The following PARD3B variants were observed in gnomAD, a reference collection of about 807,000 sequenced individuals.
PARD3B encodes par-3 family cell polarity regulator beta.
Under a neutral mutation model 130.2 loss-of-function variants are expected in PARD3B, and 103 were observed. That is an observed-to-expected ratio of 0.79 (90% confidence interval 0.67 to 0.93). The LOEUF is 0.93. Among genes scored for constraint, PARD3B ranks in the 40% least tolerant of loss-of-function variants. The probability of loss-of-function intolerance (pLI) is 0.00; values close to 1 mark genes in which losing one functional copy is unlikely to be tolerated. For missense variants in PARD3B, 1,609 were observed against 1,499.2 expected (o/e 1.07, Z -1.21); for synonymous variants, 583 against 553.2 (o/e 1.05, Z -0.76).
intron 21 of PARD3B, among the ~76,000 whole-genome samples, chr2:205,513,371 TC>T (rs1247826733): frequency 6.6e-6 from 1 of 151,920 alleles, no homozygotes; most frequent in Non-Finnish European, 1.5e-5. Context: ...AAAAATCTAA[TC>T]CCTAAATACA....
At chr2:204,696,226 C>A (rs1321498748) in intron 2 of PARD3B, among the ~76,000 whole-genome samples, 1 of 151,858 alleles carries the variant, frequency 6.6e-6, no homozygotes, top group Non-Finnish European at 1.5e-5. Flanking sequence ...AAACAGCTGA[C>A]CTTCCGTTAA....
chr2:205,165,094 G>C (rs537616650), intron 11 of PARD3B, among the ~76,000 whole-genome samples: 1 of 151,844 alleles, frequency 6.6e-6, no homozygotes, highest in African/African-American at 2.4e-5. Flanking sequence ...AACCTAGTTA[G>C]GCATTCATGC....
At chr2:204,872,175 A>G (rs1039103996) in intron 2 of PARD3B, among the ~76,000 whole-genome samples, 2 of 152,068 alleles carry the variant, frequency 1.3e-5, no homozygotes, top group Non-Finnish European at 2.9e-5. Flanking sequence ...AATCCACACA[A>G]TACAGAAAAT....
At chr2:204,716,420 G>A (rs2038729312) in intron 2 of PARD3B, among the ~76,000 whole-genome samples, 1 of 152,052 alleles carries the variant, frequency 6.6e-6, no homozygotes, top group African/African-American at 2.4e-5. Flanking sequence ...GGGGGCCAGA[G>A]TTATACTGCC....
At chr2:205,610,980 C>T (rs1392202092) in intron 22 of PARD3B, among the ~76,000 whole-genome samples, 2 of 152,192 alleles carry the variant, frequency 1.3e-5, no homozygotes, top group Non-Finnish European at 2.9e-5. Context: ...ATTTGTAGAG[C>T]ACCTGTGATG....
rs73062540 is a variant in PARD3B at position 205,366,758 on chromosome 2, C to A, written c.2631-34255C>A. Reference sequence around the variant, plus strand: ...GGCACCAAGCATTTGAATTCTGCAACCTTTGAAGTTGTATCTCTGCACCTG... The same window carrying A: ...GGCACCAAGCATTTGAATTCTGCAAACTTTGAAGTTGTATCTCTGCACCTG... On this transcript the variant is annotated intron_variant, in intron 18 of 22. Coordinates refer to ENST00000406610, the MANE Select transcript of PARD3B (RefSeq NM_001302769.2). The surrounding 1 kb of genome is among the most constrained non-coding windows in gnomAD (Gnocchi z 5.0). Among the ~76,000 whole-genome samples the A allele has an allele frequency of 0.016, 2,426 of 152,266 alleles. 53 individuals are homozygous for A. Among genetic ancestry groups the A allele is most frequent in the African/African-American group, 0.056 (2,326 of 41,516 alleles).
intron 15 of PARD3B, among the ~76,000 whole-genome samples, chr2:205,224,350 C>T (rs189597789): frequency 0.027 from 2,866 of 104,634 alleles, 82 homozygotes; most frequent in Non-Finnish European, 0.038. Context: ...CAGCCTGGGC[C>T]ACAGAGCGAG....
chr2:205,167,019 C>T (rs2034857524), intron 11 of PARD3B, among the ~76,000 whole-genome samples: 1 of 152,222 alleles, frequency 6.6e-6, no homozygotes, highest in South Asian at 2.1e-4. Context: ...TCATGCTTCT[C>T]TCATATTCTT....
intron 15 of PARD3B, among the ~76,000 whole-genome samples, chr2:205,228,487 T>G (rs186562078): frequency 2.0e-5 from 3 of 152,274 alleles, no homozygotes; most frequent in African/African-American, 7.2e-5. Context: ...TTACTGGAGC[T>G]CCATTGTTTA....
At position 205,421,347 on chromosome 2, in the gene PARD3B, A is replaced by G. The variant is rs1362617871; in HGVS notation, c.2742-19023A>G. Among the ~76,000 whole-genome samples, 2 of 152,256 alleles carry G rather than the reference A, an allele frequency of 1.3e-5. No homozygotes were observed. Among genetic ancestry groups the G allele is most frequent in the Non-Finnish European group, 1.5e-5 (1 of 68,016 alleles). On this transcript the variant is annotated intron_variant, in intron 19 of 22. Coordinates refer to ENST00000406610, the MANE Select transcript of PARD3B (RefSeq NM_001302769.2). This position sits in a 1 kb window ranked among gnomAD's most constrained non-coding sequence, Gnocchi z 5.1. ...GCCTACACAATGCAGGCACATTGCA[A>G]TGTCTCCAATATAATTGTTATGTTT...
chr2:205,516,271 T>C (rs960539242), intron 21 of PARD3B, among the ~76,000 whole-genome samples: 1 of 152,132 alleles, frequency 6.6e-6, no homozygotes, highest in Non-Finnish European at 1.5e-5. Flanking sequence ...TTGCCTTTGC[T>C]ATTTGGTCTC....
At chr2:205,088,939 C>T (rs899290328) in intron 4 of PARD3B, among the ~76,000 whole-genome samples, 3 of 150,298 alleles carry the variant, frequency 2.0e-5, no homozygotes, top group African/African-American at 7.4e-5. Flanking sequence ...GATGGGACTA[C>T]AGGTGCCCGC....
chr2:204,803,786 A>G (rs1439822954), intron 2 of PARD3B, among the ~76,000 whole-genome samples: 1 of 152,192 alleles, frequency 6.6e-6, no homozygotes, highest in Non-Finnish European at 1.5e-5. Context: ...CAGGAAGGAA[A>G]GAAGGAAGGA....
intron 1 of PARD3B, among the ~76,000 whole-genome samples, chr2:204,661,015 C>T (rs139704311): frequency 9.8e-4 from 149 of 152,244 alleles, no homozygotes; most frequent in African/African-American, 3.2e-3. Context: ...GATGCTTTCC[C>T]CAGGGAGCAC....
chr2:204,669,382 A>T lies in PARD3B; in HGVS notation c.121-16799A>T, dbSNP rs754967555. ...ATTTGTTTTGCTATTGAATGTGATT[A>T]TATCCACTTTTATCAATATATAATT... On this transcript the variant is annotated intron_variant, in intron 1 of 22. Transcript: ENST00000406610. This position sits in a 1 kb window ranked among gnomAD's most constrained non-coding sequence, Gnocchi z 4.3. 1.3e-5 allele frequency among the ~76,000 whole-genome samples: 2 copies of T among 152,156 alleles called. No homozygotes were observed.
At chr2:205,238,556 G>T (rs992885371) in intron 15 of PARD3B, among the ~76,000 whole-genome samples, 2 of 152,010 alleles carry the variant, frequency 1.3e-5, no homozygotes, top group African/African-American at 4.8e-5. Context: ...TCTGGGCTGG[G>T]TGCGGTGGCT....
chr2:204,767,045 T>A (rs2041196102), intron 2 of PARD3B, among the ~76,000 whole-genome samples: 1 of 130,946 alleles, frequency 7.6e-6, no homozygotes, highest in African/African-American at 2.8e-5. Flanking sequence ...CATGTGCACA[T>A]TGTGCAGGTT....
chr2:204,940,094 C>G (rs1214343019), intron 2 of PARD3B, among the ~76,000 whole-genome samples: 1 of 152,188 alleles, frequency 6.6e-6, no homozygotes, highest in East Asian at 1.9e-4. Context: ...CTCTGGAGAG[C>G]TTACTAGGCT....
intron 16 of PARD3B, among the ~76,000 whole-genome samples, chr2:205,279,096 A>AAAAC (rs2041088118): frequency 6.7e-6 from 1 of 149,708 alleles, no homozygotes; most frequent in African/African-American, 2.5e-5. Flanking sequence ...AAAAAAAAAA[A>AAAAC]CAGTTGTTCA....
Sources: gnomAD v4.1 joint callset for allele counts (sites outside exome capture counted in the v4.1 genomes callset) on GRCh38, gnomAD v4.1.1 for gene constraint, Gnocchi (gnomAD v3.1) non-coding constraint, MANE v1.5 for transcripts, NCBI Gene and HGNC (gene_info 2026-07-23, HGNC 2026-07-21) for gene names.